MYO18B: variants seen among roughly 807,000 people sequenced by gnomAD.
MYO18B encodes the protein myosin XVIIIB, also known as unconventional myosin-XVIIIb.
Under a neutral mutation model 273.0 loss-of-function variants are expected in MYO18B, and 204 were observed. The ratio of observed to expected loss-of-function variants is 0.75; its 90% CI spans 0.67 to 0.84. The LOEUF is 0.84. Among genes scored for constraint, MYO18B ranks in the 40% least tolerant of loss-of-function variants. The pLI is 0.00. For missense variants in MYO18B, 3,212 were observed against 3,287.6 expected, an observed-to-expected ratio of 0.98 and a Z score of 0.56; for synonymous variants, 1,330 against 1,305.7, an observed-to-expected ratio of 1.02 and a Z score of -0.40.
intron 7 of MYO18B, among the ~76,000 whole-genome samples, chr22:25,773,894 T>C (rs76110871): frequency 0.034 from 5,141 of 152,224 alleles, 210 homozygotes; most frequent in East Asian, 0.14. Context: ...CTTTGGCTGC[T>C]GGGTGGAGGA....
At position 25,901,839 on chromosome 22, in the gene MYO18B, G is replaced by T. The variant is rs924100083; in HGVS notation, c.4824-774G>T. On this transcript the variant is annotated intron_variant, in intron 29 of 43. Transcript: ENST00000335473. ...TTTTTTTTTTTTTTTTTGAGACAAG[G>T]TCTTGCTCTGTCACCCAGACTGGAG... 1.9e-4 allele frequency among the ~76,000 whole-genome samples: 25 copies of T among 131,448 alleles called. No homozygotes were observed. In the South Asian group the frequency reaches 5.7e-3, roughly 30 times the overall value. 86.2% of individuals were successfully genotyped at this position (131,448 alleles called of 152,430 possible).
chr22:25,781,412 A>G (rs1170157567), intron 9 of MYO18B, among the ~76,000 whole-genome samples: 2 of 152,024 alleles, frequency 1.3e-5, no homozygotes, highest in African/African-American at 4.8e-5. Context: ...GATTGACACT[A>G]TCCTGGCTAA....
chr22:25,817,355 TTC>T (rs937913858), intron 12 of MYO18B, among the ~76,000 whole-genome samples: 4 of 149,862 alleles, frequency 2.7e-5, no homozygotes, highest in South Asian at 2.1e-4. Flanking sequence ...CTTTCTTTCT[TTC>T]TCTCTCTCTC....
At chr22:25,912,440 G>A (rs2092176388) in intron 33 of MYO18B, among the ~76,000 whole-genome samples, 1 of 152,114 alleles carries the variant, frequency 6.6e-6, no homozygotes, top group African/African-American at 2.4e-5. Flanking sequence ...AGTAAAGCAA[G>A]GTTTTTATAC....
chr22:25,997,403 A>T (rs927436657), intron 40 of MYO18B, among the ~76,000 whole-genome samples: 7 of 151,740 alleles, frequency 4.6e-5, no homozygotes, highest in African/African-American at 1.7e-4. Context: ...ACACAAGAGC[A>T]TTAAACCAAA....
chr22:25,768,042 C>G, intron 3 of MYO18B, 73 bp from the exon 4 acceptor site: 2 of 1,303,014 alleles, frequency 1.5e-6, no homozygotes, highest in Non-Finnish European at 2.1e-6. Flanking sequence ...AATGAATGAA[C>G]GAACACGAGT....
At chr22:25,918,475 G>A (rs562237069) in intron 33 of MYO18B, among the ~76,000 whole-genome samples, 21 of 152,296 alleles carry the variant, frequency 1.4e-4, no homozygotes, top group Admixed American at 2.6e-4. Flanking sequence ...AGGGAAACTC[G>A]CAGAATGACA....
chr22:25,948,612 G>A (rs1440814789), intron 36 of MYO18B, among the ~76,000 whole-genome samples: 1 of 133,580 alleles, frequency 7.5e-6, no homozygotes, highest in Non-Finnish European at 1.6e-5. Flanking sequence ...TCTATCTGTA[G>A]CTATTTATTC....
intron 39 of MYO18B, among the ~76,000 whole-genome samples, chr22:25,983,754 C>T (rs143620398): frequency 2.0e-5 from 3 of 152,344 alleles, no homozygotes; most frequent in East Asian, 3.9e-4. Context: ...ATGGAAGCAG[C>T]AGTACCTCCT....
At chr22:26,056,601 C>T in the MYO18B span, among the ~76,000 whole-genome samples, 1 of 152,218 alleles carries the variant, frequency 6.6e-6, no homozygotes, top group Admixed American at 6.5e-5. Context: ...TCATTTTATT[C>T]TGTTCTCTTC....
chr22:25,801,111 ATATAT>A (rs1199143697), intron 12 of MYO18B, among the ~76,000 whole-genome samples: 2 of 152,228 alleles, frequency 1.3e-5, no homozygotes, highest in African/African-American at 4.8e-5. Flanking sequence ...TCATTTTGAA[ATATAT>A]TAAGAATCAT....
chr22:25,835,223 G>A, intron 16 of MYO18B, 73 bp from the exon 17 acceptor site: 1 of 1,518,278 alleles, frequency 6.6e-7, no homozygotes, highest in Admixed American at 2.2e-5. Context: ...TTCCCTATCG[G>A]TGGGAAGAGA....
At chr22:25,842,724 G>T (rs2145991642) in intron 17 of MYO18B, among the ~76,000 whole-genome samples, 1 of 150,824 alleles carries the variant, frequency 6.6e-6, no homozygotes, top group South Asian at 2.1e-4. Context: ...TATGGAGACA[G>T]CTATCCCAAA....
At chr22:25,971,079 A>G (rs1278458289) in intron 39 of MYO18B, among the ~76,000 whole-genome samples, 1 of 152,252 alleles carries the variant, frequency 6.6e-6, no homozygotes, top group African/African-American at 2.4e-5. Flanking sequence ...TTTGTAGTCC[A>G]TACTGTCTCT....
At chr22:25,842,907 G>A (rs993832910) in intron 17 of MYO18B, among the ~76,000 whole-genome samples, 5 of 152,122 alleles carry the variant, frequency 3.3e-5, no homozygotes, top group Admixed American at 2.6e-4. Flanking sequence ...TTTGTGATTC[G>A]GGAACATCAG....
intron 9 of MYO18B, 37 bp from the exon 10 acceptor site, chr22:25,781,697 A>C: frequency 7.0e-7 from 1 of 1,436,434 alleles, no homozygotes; most frequent in Non-Finnish European, 9.3e-7. Context: ...AGATGTACCC[A>C]AAGCACTGAC....
Position 25,921,328 on chromosome 22 carries a change from A to G in MYO18B, c.5436A>G (p.Ser1812=). 6.3e-7 allele frequency: 1 copy of G among 1,576,298 alleles called. No homozygotes were observed. The highest frequency in any genetic ancestry group is 8.6e-7 in the Non-Finnish European group (1 of 1,160,718). Residue 1812 remains serine, a synonymous_variant, in exon 34 of 44, where the codon TCA becomes TCG. Coordinates refer to ENST00000335473, the MANE Select transcript of MYO18B (RefSeq NM_032608.7). The part of the protein sequence containing the change: ...RDLRRTHALL[S]DVQLLLGTME... ...TCAGGAGGACACATGCACTGTTGTC[A>G]GACGTGCAGCTCCTTCTGGGCACCA...
rs760394491 is a variant in MYO18B at position 25,868,296 on chromosome 22, A to G, written c.3886-24A>G. On this transcript the variant is annotated intron_variant, in intron 21 of 43. Coordinates refer to ENST00000335473, the MANE Select transcript of MYO18B (RefSeq NM_032608.7). ...ATCCTCCTACCTTCTATGCTGTCTA[A>G]CTTCTCTCTAATTTTTTCCCCAGGC... The G allele has an allele frequency of 1.9e-6, 3 of 1,583,324 alleles. No individual in the cohort carries two copies. The South Asian group carries it at 3.5e-5, about 18-fold the overall frequency.
At chr22:25,827,874 A>G (rs1309514078) in intron 14 of MYO18B, among the ~76,000 whole-genome samples, 1 of 152,248 alleles carries the variant, frequency 6.6e-6, no homozygotes, top group Non-Finnish European at 1.5e-5. Flanking sequence ...CAAAGTACCT[A>G]CTACAGCATT....
Sources: allele counts gnomAD v4.1 joint callset (sites outside exome capture counted in the v4.1 genomes callset), GRCh38; gene constraint gnomAD v4.1.1; transcripts MANE v1.5; gene names NCBI Gene and HGNC (gene_info 2026-07-23, HGNC 2026-07-21).